Variants in CEP350 observed in about 807,000 individuals in gnomAD.
CEP350 encodes the protein centrosomal protein 350.
CEP350 carries 126 observed loss-of-function variants against 331.8 expected under a neutral mutation model. The ratio of observed to expected loss-of-function variants is 0.38; its 90% CI spans 0.33 to 0.44. CEP350 has a LOEUF of 0.44. CEP350 is among the 20% of genes least tolerant of loss of function. The pLI is 1.00. For synonymous variants in CEP350, 1,200 were observed against 1,259.5 expected, an observed-to-expected ratio of 0.95 and a Z score of 1.00; for missense variants, 3,406 against 3,634.6, an observed-to-expected ratio of 0.94 and a Z score of 1.62.
chr1:180,108,606 A>G (rs1661288671), intron 37 of CEP350, among the ~76,000 whole-genome samples: 1 of 152,220 alleles, frequency 6.6e-6, no homozygotes, highest in African/African-American at 2.4e-5. Context: ...TTTTGTGCAC[A>G]CACCTAGACC....
At chr1:179,987,120 G>A in intron 2 of CEP350, 120 bp from the exon 3 acceptor site, 1 of 591,786 alleles carries the variant, frequency 1.7e-6, no homozygotes, top group African/African-American at 2.0e-5. Context: ...GAATTGTTCT[G>A]CCTAATAAGG....
chr1:180,066,003 G>A (rs1010986545), intron 27 of CEP350, among the ~76,000 whole-genome samples: 11 of 152,186 alleles, frequency 7.2e-5, no homozygotes, highest in African/African-American at 2.6e-4. Flanking sequence ...AACCTGGTGA[G>A]TAGGTATGAG....
intron 22 of CEP350, among the ~76,000 whole-genome samples, chr1:180,050,243 T>C (rs765764654): frequency 5.3e-5 from 8 of 152,218 alleles, no homozygotes; most frequent in Non-Finnish European, 1.0e-4. Flanking sequence ...TATCAGAATT[T>C]TAAAACTTCT....
At chr1:179,985,788 C>G (rs1019131551) in intron 1 of CEP350, among the ~76,000 whole-genome samples, 2 of 152,128 alleles carry the variant, frequency 1.3e-5, no homozygotes, top group Non-Finnish European at 2.9e-5. Context: ...TTACTTCTAC[C>G]TGGTCCCGCC....
rs1428281891 is a variant in CEP350 at position 180,063,932 on chromosome 1, CT to C, written c.5410-1181del. 5.3e-5 allele frequency among the ~76,000 whole-genome samples: 8 copies of C among 152,260 alleles called. No individual in the cohort carries two copies. In the East Asian group the frequency reaches 1.5e-3, roughly 29 times the overall value. Reference sequence around the variant, plus strand: ...CTTTAAATTTTGAAAAAATCTCAAACTTACAGAAAAATGTCAAACAGTACAA... The same window carrying C: ...CTTTAAATTTTGAAAAAATCTCAAACTACAGAAAAATGTCAAACAGTACAA... On this transcript the variant is annotated intron_variant, in intron 26 of 37. Transcript: ENST00000367607.
At chr1:180,036,202 A>G (rs1656346337) in intron 16 of CEP350, among the ~76,000 whole-genome samples, 1 of 152,238 alleles carries the variant, frequency 6.6e-6, no homozygotes, top group South Asian at 2.1e-4. Flanking sequence ...TGAATGAATG[A>G]GTAGTTGCTT....
intron 1 of CEP350, among the ~76,000 whole-genome samples, chr1:179,976,635 C>T (rs1457627753): frequency 2.8e-5 from 4 of 140,714 alleles, no homozygotes; most frequent in African/African-American, 7.9e-5. Flanking sequence ...GCCTGGGCGA[C>T]AGTGAGACTC....
intron 9 of CEP350, 67 bp downstream of exon 9, chr1:180,012,142 A>G: frequency 7.4e-7 from 1 of 1,343,730 alleles, no homozygotes; most frequent in Non-Finnish European, 1.0e-6. Flanking sequence ...TTAGAGAAGG[A>G]AAAAGTACTC....
chr1:180,013,613 G>A (rs765450782), intron 9 of CEP350, among the ~76,000 whole-genome samples: 1 of 152,066 alleles, frequency 6.6e-6, no homozygotes, highest in Non-Finnish European at 1.5e-5. Flanking sequence ...ATTTCAAACT[G>A]TATTTAAAAA....
chr1:180,107,624 C>T (rs561319891), intron 37 of CEP350, among the ~76,000 whole-genome samples: 49 of 152,266 alleles, frequency 3.2e-4, no homozygotes, highest in African/African-American at 1.1e-3. Context: ...GCCGAGATGG[C>T]GCCACTGCAC....
intron 14 of CEP350, among the ~76,000 whole-genome samples, chr1:180,029,509 T>C (rs953116066): frequency 1.3e-5 from 2 of 152,220 alleles, no homozygotes; most frequent in Non-Finnish European, 2.9e-5. Context: ...AGTGTACAGT[T>C]GAGTGGCATT....
chr1:179,992,747 A>G (rs559693907), intron 5 of CEP350, among the ~76,000 whole-genome samples: 2 of 152,290 alleles, frequency 1.3e-5, no homozygotes, highest in Non-Finnish European at 2.9e-5. Flanking sequence ...GATAGCATAG[A>G]TGATATAAAA....
At chr1:179,990,963 C>T (rs1335989404) in intron 4 of CEP350, among the ~76,000 whole-genome samples, 2 of 151,998 alleles carry the variant, frequency 1.3e-5, no homozygotes, top group East Asian at 3.9e-4. Context: ...TAATTTTTTT[C>T]CTTTGATATT....
In CEP350 at chr1:180,010,951, A is replaced by G. The variant is rs1000825816; in HGVS notation, c.1247-978A>G. On this transcript the variant is annotated intron_variant, in intron 8 of 37. Coordinates refer to ENST00000367607, the MANE Select transcript of CEP350 (RefSeq NM_014810.5). Reference sequence around the variant, plus strand: ...CTTTGCATTTAAACACTTTTATTCTATGTTTATTTTTTGTAGTTTCTATTT... The same window carrying G: ...CTTTGCATTTAAACACTTTTATTCTGTGTTTATTTTTTGTAGTTTCTATTT... Among the ~76,000 whole-genome samples, 10 of 151,362 alleles carry G rather than the reference A, an allele frequency of 6.6e-5. No individual in the cohort carries two copies. The South Asian group carries it at 1.7e-3, about 25-fold the overall frequency.
intron 7 of CEP350, among the ~76,000 whole-genome samples, chr1:180,004,872 TGGC>T (rs1654108827): frequency 3.0e-5 from 2 of 66,988 alleles, no homozygotes; most frequent in Non-Finnish European, 6.3e-5. Flanking sequence ...GCAGGCTGGC[TGGC>T]TTGCTTGCTT....
chr1:179,979,034 G>A (rs1016520615), intron 1 of CEP350, among the ~76,000 whole-genome samples: 3 of 152,134 alleles, frequency 2.0e-5, no homozygotes, highest in Admixed American at 6.5e-5. Flanking sequence ...AAACATGGAA[G>A]TGCAGATATC....
intron 20 of CEP350, 39 bp from the exon 21 acceptor site, chr1:180,044,012 A>G (rs1656949268): frequency 1.3e-6 from 2 of 1,482,806 alleles, no homozygotes. Flanking sequence ...CTGTTATTAG[A>G]GACTTTGAAT....
chr1:180,076,436 C>T (rs1021658962), intron 28 of CEP350, among the ~76,000 whole-genome samples: 7 of 152,088 alleles, frequency 4.6e-5, no homozygotes, highest in African/African-American at 1.4e-4. Flanking sequence ...TGGTGAATTA[C>T]CTTACCCAGA....
intron 33 of CEP350, among the ~76,000 whole-genome samples, chr1:180,091,315 T>G (rs1345328200): frequency 6.6e-6 from 1 of 152,070 alleles, no homozygotes; most frequent in Non-Finnish European, 1.5e-5. Flanking sequence ...GTGGTGAGAT[T>G]ATGGGCATGA....
Sources: gnomAD v4.1 joint callset for allele counts (sites outside exome capture counted in the v4.1 genomes callset) on GRCh38, gnomAD v4.1.1 for gene constraint, MANE v1.5 for transcripts, NCBI Gene and HGNC (gene_info 2026-07-23, HGNC 2026-07-21) for gene names.